HROB: variants seen among roughly 807,000 people sequenced by gnomAD.
HROB encodes homologous recombination factor with OB-fold.
HROB carries 44 observed loss-of-function variants against 61.0 expected under a neutral mutation model. That is an observed-to-expected ratio of 0.72 (90% confidence interval 0.57 to 0.93). HROB has a LOEUF of 0.93. Among genes scored for constraint, HROB ranks in the 40% least tolerant of loss-of-function variants. The pLI, the probability that HROB is intolerant of heterozygous loss-of-function variation, is 0.00. For missense variants in HROB, 716 were observed against 796.2 expected (o/e 0.90, Z 1.21); for synonymous variants, 301 against 310.4 (o/e 0.97, Z 0.32).
chr17:44,144,833 A>C (rs1229493186), intron 1 of HROB, among the ~76,000 whole-genome samples: 2 of 147,962 alleles, frequency 1.4e-5, no homozygotes, highest in East Asian at 2.0e-4. Flanking sequence ...CTCCTGCCTC[A>C]GCCTCCCGAG....
intron 1 of HROB, among the ~76,000 whole-genome samples, chr17:44,142,733 C>G (rs2053492120): frequency 6.6e-6 from 1 of 152,100 alleles, no homozygotes; most frequent in South Asian, 2.1e-4. Context: ...ACTGGGGCAT[C>G]CTACTCTCCT....
At chr17:44,158,080 G>A (rs905354303) in intron 9 of HROB, 139 bp downstream of exon 9, 4 of 642,270 alleles carry the variant, frequency 6.2e-6, no homozygotes, top group Non-Finnish European at 1.0e-5. Context: ...ATCAGATACA[G>A]TGTCTTGTTT....
chr17:44,151,142 G>T (rs925488827), intron 4 of HROB, 98 bp downstream of exon 4: 1 of 1,273,890 alleles, frequency 7.8e-7, no homozygotes, highest in South Asian at 1.3e-5. Context: ...ATGCTGCTAG[G>T]CCTGTTTGCT....
At chr17:44,151,087 T>C in intron 4 of HROB, 43 bp downstream of exon 4, 1 of 1,537,946 alleles carries the variant, frequency 6.5e-7, no homozygotes, top group Non-Finnish European at 9.0e-7. Context: ...GATTTGAGAG[T>C]GAGGGGCGTC....
rs1346101711 is a variant in HROB at position 44,148,841 on chromosome 17, G to A, written c.1038G>A (p.Val346=). 1.9e-6 allele frequency: 3 copies of A among 1,614,102 alleles called. No individual in the cohort carries two copies. Among genetic ancestry groups the A allele is most frequent in the African/African-American group, 1.3e-5 (1 of 74,926 alleles). ...PRIPLQPQAP[V]SSIGSPVGTP... is the part of the protein sequence containing the mutation. Reference sequence around the variant, plus strand: ...TACCCTTACAACCGCAAGCTCCAGTGTCTTCCATTGGGTCTCCTGTTGGTA... The same window carrying A: ...TACCCTTACAACCGCAAGCTCCAGTATCTTCCATTGGGTCTCCTGTTGGTA... Residue 346 remains valine, a synonymous_variant, in exon 3 of 10, where the codon GTG becomes GTA. Transcript: ENST00000585683.
chr17:44,157,190 C>T (rs1024697986), intron 8 of HROB, among the ~76,000 whole-genome samples: 1 of 152,142 alleles, frequency 6.6e-6, no homozygotes, highest in Non-Finnish European at 1.5e-5. Context: ...GCTAACTCTT[C>T]AATGTATTTC....
chr17:44,157,732 T>A (rs2054013998), intron 8 of HROB, 101 bp from the exon 9 acceptor site: 1 of 782,540 alleles, frequency 1.3e-6, no homozygotes, highest in East Asian at 3.0e-5. Context: ...GTTTCTTTCC[T>A]GAGCCCCACA....
intron 5 of HROB, among the ~76,000 whole-genome samples, chr17:44,153,576 T>C (rs937303711): frequency 2.0e-5 from 3 of 152,036 alleles, no homozygotes; most frequent in Middle Eastern, 3.4e-3. Context: ...AGAAACCCTG[T>C]CTCTACTAAA....
intron 5 of HROB, 68 bp from the exon 6 acceptor site, chr17:44,154,488 C>T: frequency 3.9e-6 from 6 of 1,527,608 alleles, no homozygotes; most frequent in Non-Finnish European, 5.4e-6. Flanking sequence ...TGCCCTGGCA[C>T]ACTTGGAGAC....
intron 9 of HROB, among the ~76,000 whole-genome samples, chr17:44,160,382 A>G (rs937151783): frequency 6.6e-6 from 1 of 152,116 alleles, no homozygotes; most frequent in Admixed American, 6.6e-5. Flanking sequence ...CCTGACTAAC[A>G]TGGTGAAACC....
chr17:44,147,005 C>T (rs1461766313), intron 2 of HROB, among the ~76,000 whole-genome samples: 2 of 150,626 alleles, frequency 1.3e-5, no homozygotes, highest in African/African-American at 4.9e-5. Context: ...CTCTGGCTTA[C>T]TGAAGGGTAG....
rs2053696907 is a variant in HROB, at chr17:44,148,675, GCC to G, written c.874_875del (p.Pro292SerfsTer39). 2 of 1,613,890 alleles carry G rather than the reference GCC, an allele frequency of 1.2e-6. No homozygotes were observed. Among genetic ancestry groups the G allele is most frequent in the Non-Finnish European group, 1.7e-6 (2 of 1,180,034 alleles). On this transcript the variant is annotated frameshift_variant, in exon 3 of 10. Coordinates refer to ENST00000585683, the MANE Select transcript of HROB (RefSeq NM_001171251.3). LOFTEE classifies it high-confidence loss of function. ...GCTGCTAGAGGGACCATTCAGAGCA[GCC>G]CTCAAAATCGTTTCCCTTGTCAGCC...
At position 44,152,772 on chromosome 17, in the gene HROB, C is replaced by CT. The variant is rs757698782; in HGVS notation, c.1444_1445insT (p.Arg482LeufsTer10). ...TACCTACAGCATTGTCATGGTGCTG[C>CT]GCAAGGTAAGGATTCTGGGTGCTGA... is the stretch of plus-strand genomic sequence containing the variant. On this transcript the variant is annotated frameshift_variant, in exon 5 of 10. Transcript: ENST00000585683. LOFTEE classifies it high-confidence loss of function. The CT allele has an allele frequency of 1.9e-6, 3 of 1,613,170 alleles. No homozygotes were observed. The South Asian group carries it at 3.3e-5, about 18-fold the overall frequency.
chr17:44,142,235 A>C (rs2053466317), intron 1 of HROB, 90 bp downstream of exon 1: 1 of 1,369,722 alleles, frequency 7.3e-7, no homozygotes, highest in African/African-American at 1.5e-5. Context: ...TCGCCCGCGC[A>C]AGTTGCAGGA....
At chr17:44,159,503 G>C (rs2054068204) in intron 9 of HROB, among the ~76,000 whole-genome samples, 1 of 152,278 alleles carries the variant, frequency 6.6e-6, no homozygotes, top group East Asian at 1.9e-4. Context: ...ACAAGACTAA[G>C]AGAAAGTAGG....
intron 5 of HROB, 59 bp downstream of exon 5, chr17:44,152,836 C>A: frequency 1.9e-6 from 3 of 1,580,408 alleles, no homozygotes; most frequent in Non-Finnish European, 2.6e-6. Flanking sequence ...TCTCTCTGAC[C>A]TACTGCCCTA....
rs774553068 is a variant in HROB, at chr17:44,151,015, C to T, written c.1279C>T (p.His427Tyr). 3.7e-6 allele frequency: 6 copies of T among 1,613,232 alleles called. No homozygotes were observed. Among genetic ancestry groups the T allele is most frequent in the Non-Finnish European group, 5.1e-6 (6 of 1,179,824 alleles). The change falls in exon 4 of 10, where the codon CAT becomes TAT. Residue 427 changes from histidine (H) to tyrosine (Y), a missense_variant. Transcript: ENST00000585683. ...IMVSAPQTPT[H>Y]GALAKFQTEI... ...GGTTTCCGCGCCCCAAACTCCAACC[C>T]ATGGTGCTCTGGCTAAATTCCAGAC...
At position 44,142,139 on chromosome 17, in the gene HROB, C is replaced by T. The variant is rs1183808261; in HGVS notation, c.-4C>T. The T allele has an allele frequency of 6.5e-7, 1 of 1,528,806 alleles. No homozygotes were observed. The highest frequency in any genetic ancestry group is 2.0e-5 in the Admixed American group (1 of 50,384). The allele number at this position is 1,528,806 out of a possible 1,614,324, so 94.7% of individuals were successfully genotyped here. Reference sequence around the variant, plus strand: ...CTCCCCGCCGAGGCCCACCCGCCGTCGCTATGGTAATGCCGCGCCCAGCTT... The same window carrying T: ...CTCCCCGCCGAGGCCCACCCGCCGTTGCTATGGTAATGCCGCGCCCAGCTT... On this transcript the variant is annotated 5_prime_UTR_variant, in exon 1 of 10. Transcript: ENST00000585683.
intron 9 of HROB, among the ~76,000 whole-genome samples, chr17:44,161,651 C>G (rs535329551): frequency 6.6e-6 from 1 of 152,152 alleles, no homozygotes; most frequent in South Asian, 2.1e-4. Flanking sequence ...CCAGGGATTA[C>G]GCCCCCGCCT....
Sources: gnomAD v4.1 joint callset for allele counts (sites outside exome capture counted in the v4.1 genomes callset) on GRCh38, gnomAD v4.1.1 for gene constraint, MANE v1.5 for transcripts, NCBI Gene and HGNC (gene_info 2026-07-23, HGNC 2026-07-21) for gene names.